The following SMIM13 variants were observed in gnomAD, a reference collection of about 807,000 sequenced individuals.
SMIM13 encodes the protein small integral membrane protein 13, also known as UPF0766 protein C6orf228.
Under a neutral mutation model 5.9 loss-of-function variants are expected in SMIM13, and 3 were observed. The ratio of observed to expected loss-of-function variants is 0.51; its 90% confidence interval spans 0.23 to 1.31. The LOEUF is 1.31. SMIM13 is among the 40% of genes most tolerant of loss of function. The probability of loss-of-function intolerance (pLI) is 0.18; values close to 1 mark genes in which losing one functional copy is unlikely to be tolerated. For missense variants in SMIM13, 85 were observed against 109.9 expected (o/e 0.77, Z 1.01); for synonymous variants, 55 against 46.0 (o/e 1.19, Z -0.79).
chr6:11,108,815 A>G (rs1270375981), intron 1 of SMIM13, among the ~76,000 whole-genome samples: 1 of 152,186 alleles, frequency 6.6e-6, no homozygotes, highest in Admixed American at 6.5e-5. Context: ...AGTTAGGGAA[A>G]TGATCCTTTA....
At chr6:11,102,738 C>G (rs918333487) in intron 1 of SMIM13, 1 of 152,182 alleles carries the variant, frequency 6.6e-6, no homozygotes, top group Admixed American at 6.5e-5. Context: ...GGTGCTGGAA[C>G]CTAAATGGTG....
At chr6:11,133,871 C>T (rs1366753992) in intron 1 of SMIM13, among the ~76,000 whole-genome samples, 2 of 151,772 alleles carry the variant, frequency 1.3e-5, no homozygotes, top group Non-Finnish European at 2.9e-5. Context: ...AGTCTTTCAT[C>T]ATATAATTTA....
chr6:11,122,533 A>T (rs192701638), intron 1 of SMIM13, among the ~76,000 whole-genome samples: 1 of 150,216 alleles, frequency 6.7e-6, no homozygotes, highest in East Asian at 2.0e-4. Context: ...CAGGCCTGTG[A>T]CCTTTTTGCA....
chr6:11,111,888 T>C (rs1170051581), intron 1 of SMIM13, among the ~76,000 whole-genome samples: 1 of 152,180 alleles, frequency 6.6e-6, no homozygotes, highest in East Asian at 1.9e-4. Flanking sequence ...GTTGTGCGCA[T>C]GCTTTCTTGA....
At chr6:11,094,440 C>G in intron 1 of SMIM13, 51 bp downstream of exon 1, 1 of 1,387,024 alleles carries the variant, frequency 7.2e-7, no homozygotes, top group South Asian at 1.3e-5. Flanking sequence ...GGTCGCTGAT[C>G]TGCTGGGGTT....
chr6:11,112,974 ATTTAT>A (rs545275756), intron 1 of SMIM13, among the ~76,000 whole-genome samples: 2,433 of 151,962 alleles, frequency 0.016, 28 homozygotes, highest in Non-Finnish European at 0.025. Context: ...TGCCTGGCTA[ATTTAT>A]TTTATTTTAT....
At position 11,137,321 on chromosome 6, in the gene SMIM13, A is replaced by G. The variant is rs989859326; in HGVS notation, c.*2719A>G. 3 of 152,068 alleles carry G rather than the reference A, an allele frequency of 2.0e-5. No homozygotes were observed. The highest frequency in any genetic ancestry group is 2.4e-5 in the African/African-American group (1 of 41,424). 9.4% of individuals were successfully genotyped at this position (152,068 alleles called of 1,614,324 possible). A position where few individuals can be genotyped will look rare whatever the true frequency, so the allele number is the denominator to read the frequency against. On this transcript the variant is annotated 3_prime_UTR_variant, in exon 2 of 2. Transcript: ENST00000416247. ...TCGTGCACCTCACAACACACTTACC[A>G]TGGTACATATTTCTTAATGCCACTA...
intron 1 of SMIM13, among the ~76,000 whole-genome samples, chr6:11,098,063 C>T (rs1361801964): frequency 6.6e-6 from 1 of 152,052 alleles, no homozygotes; most frequent in African/African-American, 2.4e-5. Flanking sequence ...TTATTTCATT[C>T]AGTTCAACAA....
intron 1 of SMIM13, among the ~76,000 whole-genome samples, chr6:11,114,592 C>CTCTTTTTTTTTTTTTTTTTTTTTTTTTT (rs1758212653): frequency 4.6e-5 from 1 of 21,826 alleles, no homozygotes; most frequent in Non-Finnish European, 7.4e-5. Context: ...CACTTTTTCT[C>CTCTTTTTTTTTTTTTTTTTTTTTTTTTT]TTTTTTTTTT....
Position 11,134,858 on chromosome 6 carries a change from T to G in SMIM13, c.*256T>G, listed in dbSNP as rs1333007651. The G allele has an allele frequency of 7.0e-6, 2 of 286,638 alleles. No homozygotes were observed. The highest frequency in any genetic ancestry group is 4.4e-5 in the African/African-American group (2 of 45,940). The allele number at this position is 286,638 out of a possible 1,614,324, so 17.8% of individuals were successfully genotyped here. A position where few individuals can be genotyped will look rare whatever the true frequency, so the allele number is the denominator to read the frequency against. ...TATTCCTTGGCTTTTGGGCTTATTT[T>G]CTTGCACTGGTGCAGATCTGGTAAA... On this transcript the variant is annotated 3_prime_UTR_variant, in exon 2 of 2. Transcript: ENST00000416247.
intron 1 of SMIM13, among the ~76,000 whole-genome samples, chr6:11,096,341 C>G (rs1757922618): frequency 6.6e-6 from 1 of 152,198 alleles, no homozygotes; most frequent in Non-Finnish European, 1.5e-5. Flanking sequence ...TGTCGCTGAT[C>G]AGACAGGAGG....
intron 1 of SMIM13, among the ~76,000 whole-genome samples, chr6:11,127,291 G>C (rs1303833176): frequency 6.6e-6 from 1 of 152,140 alleles, no homozygotes; most frequent in Non-Finnish European, 1.5e-5. Flanking sequence ...AATTTACCTG[G>C]TGCTCTCTAT....
chr6:11,097,506 A>G (rs547400314), intron 1 of SMIM13, among the ~76,000 whole-genome samples: 1 of 151,736 alleles, frequency 6.6e-6, no homozygotes, highest in East Asian at 1.9e-4. Flanking sequence ...AAAAAAAAAA[A>G]GAATACCAAA....
intron 1 of SMIM13, among the ~76,000 whole-genome samples, chr6:11,108,826 T>C (rs565140344): frequency 5.9e-5 from 9 of 152,216 alleles, no homozygotes; most frequent in African/African-American, 2.2e-4. Context: ...TGATCCTTTA[T>C]GAACAGTTGT....
At chr6:11,118,926 G>A (rs1445237812) in intron 1 of SMIM13, among the ~76,000 whole-genome samples, 5 of 152,176 alleles carry the variant, frequency 3.3e-5, no homozygotes, top group African/African-American at 1.2e-4. Flanking sequence ...TTAACTTGCC[G>A]AAGTCGGAAA....
At chr6:11,112,794 G>GTATTATTAT (rs1478870044) in intron 1 of SMIM13, among the ~76,000 whole-genome samples, 1 of 151,916 alleles carries the variant, frequency 6.6e-6, no homozygotes, top group Non-Finnish European at 1.5e-5. Flanking sequence ...TTGGCTGTTA[G>GTATTATTAT]TATTATTATT....
In SMIM13 at chr6:11,135,378, A is replaced by G. The variant is rs1758505634; in HGVS notation, c.*776A>G. On this transcript the variant is annotated 3_prime_UTR_variant, in exon 2 of 2. Transcript: ENST00000416247. ...CACGTGCAAAAGGATTGCCTATCAC[A>G]CGCCAAGCAATGCAATTGAAGGCAG... is the stretch of plus-strand genomic sequence containing the variant. The G allele has an allele frequency of 6.6e-6, 1 of 152,636 alleles. No homozygotes were observed. The highest frequency in any genetic ancestry group is 2.4e-5 in the African/African-American group (1 of 41,450). 9.5% of individuals were successfully genotyped at this position (152,636 alleles called of 1,614,324 possible).
intron 1 of SMIM13, among the ~76,000 whole-genome samples, chr6:11,107,695 G>A (rs1456450479): frequency 6.6e-6 from 1 of 152,246 alleles, no homozygotes; most frequent in African/African-American, 2.4e-5. Flanking sequence ...ATGAGTTGGG[G>A]ATCATTGGGT....
chr6:11,103,452 T>C (rs889328913), intron 1 of SMIM13: 24 of 511,064 alleles, frequency 4.7e-5, no homozygotes, highest in Non-Finnish European at 7.2e-5. Context: ...CTCCAACATT[T>C]CCCCCCCTCA....
Sources: gnomAD v4.1 joint callset for allele counts (sites outside exome capture counted in the v4.1 genomes callset) on GRCh38, gnomAD v4.1.1 for gene constraint, MANE v1.5 for transcripts, NCBI Gene and HGNC (gene_info 2026-07-23, HGNC 2026-07-21) for gene names.